Variants in EXOSC2 observed in about 807,000 individuals in gnomAD.
The protein encoded by EXOSC2 is exosome complex component RRP4.
A neutral mutation model predicts 37.6 loss-of-function variants in EXOSC2; 29 were observed. The ratio of observed to expected loss-of-function variants is 0.77; its 90% CI spans 0.57 to 1.05. EXOSC2 has a LOEUF of 1.05. Ranked by LOEUF, EXOSC2 falls within the 50% of genes least tolerant of loss-of-function variation. The probability of loss-of-function intolerance (pLI) is 0.00; values close to 1 mark genes in which losing one functional copy is unlikely to be tolerated. For missense variants in EXOSC2, 346 were observed against 365.6 expected, an observed-to-expected ratio of 0.95 and a Z score of 0.44; for synonymous variants, 119 against 131.1, an observed-to-expected ratio of 0.91 and a Z score of 0.63.
chr9:130,700,706 G>A (rs1831197223), intron 5 of EXOSC2, 161 bp from the exon 6 acceptor site: 6 of 586,850 alleles, frequency 1.0e-5, no homozygotes, highest in Non-Finnish European at 1.5e-5. Flanking sequence ...ACCAAGGGGA[G>A]AGGTAAGGTC....
chr9:130,702,902 T>C, intron 7 of EXOSC2, 151 bp from the exon 8 acceptor site: 1 of 955,732 alleles, frequency 1.0e-6, no homozygotes, highest in Non-Finnish European at 1.5e-6. Flanking sequence ...CCCATTCCTT[T>C]TAATCTCCCT....
chr9:130,703,829 G>A lies in EXOSC2; in HGVS notation c.*55G>A. ...ACCTTGCAGGAGTGAAGACTGTGAT[G>A]TGTGGTCCCCATATGTGGCTCAGCA... On this transcript the variant is annotated 3_prime_UTR_variant, in exon 9 of 9. Transcript: ENST00000372358. 7.1e-7 allele frequency: 1 copy of A among 1,415,770 alleles called. No individual in the cohort carries two copies. Among genetic ancestry groups the A allele is most frequent in the South Asian group, 1.2e-5 (1 of 82,020 alleles). The allele number at this position is 1,415,770 out of a possible 1,614,324, so 87.7% of individuals were successfully genotyped here. A position where few individuals can be genotyped will look rare whatever the true frequency, so the allele number is the denominator to read the frequency against.
chr9:130,699,180 A>C (rs1440238790), intron 4 of EXOSC2, 149 bp from the exon 5 acceptor site: 2 of 742,220 alleles, frequency 2.7e-6, no homozygotes. Flanking sequence ...GATTCCCCTC[A>C]AGTGGCTTGG....
rs762281819 is a variant in EXOSC2, at chr9:130,703,823, T to C, written c.*49T>C. ...CTGTGGACCTTGCAGGAGTGAAGAC[T>C]GTGATGTGTGGTCCCCATATGTGGC... On this transcript the variant is annotated 3_prime_UTR_variant, in exon 9 of 9. Coordinates refer to ENST00000372358, the MANE Select transcript of EXOSC2 (RefSeq NM_014285.7). 26 of 1,443,710 alleles carry C rather than the reference T, an allele frequency of 1.8e-5. No homozygotes were observed. In the South Asian group the frequency reaches 1.9e-4, roughly 11 times the overall value. The allele number at this position is 1,443,710 out of a possible 1,614,324, so 89.4% of individuals were successfully genotyped here.
chr9:130,696,622 T>G (rs1831102841), intron 2 of EXOSC2, among the ~76,000 whole-genome samples: 1 of 152,196 alleles, frequency 6.6e-6, no homozygotes, highest in Admixed American at 6.5e-5. Flanking sequence ...TTTAAAATCA[T>G]GAAAAGCTGT....
Position 130,703,880 on chromosome 9 carries a change from C to G in EXOSC2, c.*106C>G. The G allele has an allele frequency of 1.1e-6, 1 of 917,174 alleles. No homozygotes were observed. Among genetic ancestry groups the G allele is most frequent in the South Asian group, 1.8e-5 (1 of 54,440 alleles). 56.8% of individuals were successfully genotyped at this position (917,174 alleles called of 1,614,324 possible). On this transcript the variant is annotated 3_prime_UTR_variant, in exon 9 of 9. Coordinates refer to ENST00000372358, the MANE Select transcript of EXOSC2 (RefSeq NM_014285.7). ...AAGACTCGAGAGATCATCCCTTTGT[C>G]TGCATTGACGGCCCTGTGACGGCCT...
At chr9:130,696,472 A>G (rs972858495) in intron 2 of EXOSC2, among the ~76,000 whole-genome samples, 7 of 152,146 alleles carry the variant, frequency 4.6e-5, no homozygotes, top group South Asian at 2.1e-4. Flanking sequence ...GGGAGATTGA[A>G]GGGGGATAGG....
chr9:130,697,999 G>A (rs1414251208), intron 3 of EXOSC2, 163 bp from the exon 4 acceptor site: 1 of 623,104 alleles, frequency 1.6e-6, no homozygotes, highest in African/African-American at 1.8e-5. Flanking sequence ...TCATTATATT[G>A]GTCAGGCTGG....
chr9:130,701,774 C>A, intron 6 of EXOSC2: 1 of 969,218 alleles, frequency 1.0e-6, no homozygotes, highest in Non-Finnish European at 1.2e-6. Flanking sequence ...CAGGTATGAG[C>A]TAGGGTCATG....
intron 2 of EXOSC2, among the ~76,000 whole-genome samples, chr9:130,696,101 G>C (rs530505710): frequency 6.6e-6 from 1 of 152,144 alleles, no homozygotes; most frequent in African/African-American, 2.4e-5. Context: ...GACCTCTGAT[G>C]ATTTCCCCCC....
intron 1 of EXOSC2, 74 bp from the exon 2 acceptor site, chr9:130,695,418 C>A: frequency 7.7e-7 from 1 of 1,295,796 alleles, no homozygotes; most frequent in African/African-American, 1.5e-5. Context: ...TTGAGGAACA[C>A]GTTGTTCTTG....
At chr9:130,701,911 G>A (rs1227099472) in intron 6 of EXOSC2, 1 of 1,365,700 alleles carries the variant, frequency 7.3e-7, no homozygotes, top group East Asian at 2.8e-5. Context: ...GGAAATGACA[G>A]AGAAGAGTAT....
At chr9:130,699,462 G>A in intron 5 of EXOSC2, 68 bp downstream of exon 5, 1 of 1,435,844 alleles carries the variant, frequency 7.0e-7, no homozygotes, top group East Asian at 2.3e-5. Flanking sequence ...GCCTTCCATT[G>A]TATGTCTCTG....
At chr9:130,695,674 C>T (rs868325685) in intron 2 of EXOSC2, 81 bp downstream of exon 2, 4 of 1,181,000 alleles carry the variant, frequency 3.4e-6, no homozygotes, top group Middle Eastern at 2.2e-4. Flanking sequence ...CCTTATCCCC[C>T]ACCCCACCCC....
intron 1 of EXOSC2, 79 bp downstream of exon 1, chr9:130,693,992 C>T (rs1831038291): frequency 3.4e-6 from 5 of 1,485,960 alleles, no homozygotes; most frequent in African/African-American, 1.4e-5. Context: ...CCTCGTATCC[C>T]TGTGTGTGTA....
At position 130,703,002 on chromosome 9, in the gene EXOSC2, G is replaced by A. The variant is rs745527822; in HGVS notation, c.673-51G>A. The stretch of plus-strand genomic sequence containing the variant: ...TTTGTGAATTTCTGTGGCTGGTCAC[G>A]TATTTTGGTCCTGTTTGTATTTCCC... On this transcript the variant is annotated intron_variant, in intron 7 of 8. Coordinates refer to ENST00000372358, the MANE Select transcript of EXOSC2 (RefSeq NM_014285.7). The A allele has an allele frequency of 5.4e-5, 85 of 1,578,082 alleles. 1 individual carries two copies. In the Middle Eastern group the frequency reaches 6.7e-4, roughly 12 times the overall value.
At position 130,702,166 on chromosome 9, in the gene EXOSC2, C is replaced by T; in HGVS notation, c.528C>T (p.Pro176=). 6.2e-7 allele frequency: 1 copy of T among 1,614,118 alleles called. No homozygotes were observed. ...AGGGGGTTTTGGTCCAGGTTTCCCC[C>T]TCCCTGGTGAAACGGCAGAAGACCC... ...LGQGVLVQVS[P]SLVKRQKTHF... is the part of the protein sequence containing the mutation. Residue 176 remains proline, a synonymous_variant, in exon 7 of 9, where the codon CCC becomes CCT. Coordinates refer to ENST00000372358, the MANE Select transcript of EXOSC2 (RefSeq NM_014285.7).
At position 130,698,264 on chromosome 9, in the gene EXOSC2, G is replaced by C. The variant is rs1291443937; in HGVS notation, c.360+13G>C. On this transcript the variant is annotated intron_variant, in intron 4 of 8. Coordinates refer to ENST00000372358, the MANE Select transcript of EXOSC2 (RefSeq NM_014285.7). This position sits in a 1 kb window ranked among gnomAD's most constrained non-coding sequence, Gnocchi z 4.1. ...TGGAGGAGAGCTGGTAAGGGCTACAGCTGGGGCCATGGACTAGGGCCCAGT... is the reference window on the plus strand; with the variant it reads ...TGGAGGAGAGCTGGTAAGGGCTACACCTGGGGCCATGGACTAGGGCCCAGT... The C allele has an allele frequency of 3.1e-6, 5 of 1,613,088 alleles. No individual in the cohort carries two copies. The highest frequency in any genetic ancestry group is 4.2e-6 in the Non-Finnish European group (5 of 1,179,646).
Position 130,698,047 on chromosome 9 carries a change from G to GCCTC in EXOSC2, c.271-112_271-109dup, listed in dbSNP as rs1831134168. 3.3e-6 allele frequency: 3 copies of GCCTC among 917,904 alleles called. No individual in the cohort carries two copies. In the Admixed American group the frequency reaches 5.7e-5, roughly 17 times the overall value. 56.9% of individuals were successfully genotyped at this position (917,904 alleles called of 1,614,324 possible). ...GACCTCAAGTGATCCACCAGCTTCGGCCTCCCAAAGTGCTGGGATTACAGG... is the reference window on the plus strand; with the variant it reads ...GACCTCAAGTGATCCACCAGCTTCGGCCTCCCTCCCAAAGTGCTGGGATTACAGG... On this transcript the variant is annotated intron_variant, in intron 3 of 8. Transcript: ENST00000372358. The surrounding 1 kb of genome is among the most constrained non-coding windows in gnomAD (Gnocchi z 4.1).
Sources: gnomAD v4.1 joint callset for allele counts (sites outside exome capture counted in the v4.1 genomes callset) on GRCh38, gnomAD v4.1.1 for gene constraint, Gnocchi (gnomAD v3.1) non-coding constraint, MANE v1.5 for transcripts, NCBI Gene and HGNC (gene_info 2026-07-23, HGNC 2026-07-21) for gene names.